Variants in AGMO observed in about 807,000 individuals in gnomAD.
AGMO encodes the protein alkylglycerol monooxygenase.
In AGMO, 75 loss-of-function variants were observed where a neutral mutation model predicts 60.2. The observed-to-expected ratio is 1.25, with a 90% CI of 1.03 to 1.51. AGMO has a LOEUF of 1.51. Ranked by LOEUF, AGMO falls within the 40% of genes most tolerant of loss-of-function variation. AGMO has a pLI of 0.00. For missense variants in AGMO, 763 were observed against 525.5 expected, an observed-to-expected ratio of 1.45 and a Z score of -4.42; for synonymous variants, 261 against 177.1, an observed-to-expected ratio of 1.47 and a Z score of -3.76.
intron 3 of AGMO, among the ~76,000 whole-genome samples, chr7:15,463,042 C>T (rs181712109): frequency 4.4e-4 from 67 of 152,146 alleles, no homozygotes; most frequent in African/African-American, 1.6e-3. Context: ...ATAAGATTAT[C>T]GAGAGTGGAT....
At chr7:15,159,490 T>A in the AGMO span, among the ~76,000 whole-genome samples, 2 of 152,160 alleles carry the variant, frequency 1.3e-5, no homozygotes, top group Non-Finnish European at 2.9e-5. Flanking sequence ...GGTTACTACT[T>A]TCTCCCTAGG....
chr7:15,334,283 A>C (rs1450010032), intron 12 of AGMO, among the ~76,000 whole-genome samples: 1 of 147,226 alleles, frequency 6.8e-6, no homozygotes, highest in Non-Finnish European at 1.5e-5. Context: ...TAAAATTATC[A>C]AAAAAGTGTT....
intron 12 of AGMO, among the ~76,000 whole-genome samples, chr7:15,338,388 A>C (rs913653493): frequency 2.6e-5 from 4 of 152,166 alleles, no homozygotes; most frequent in Non-Finnish European, 5.9e-5. Context: ...ATTGCATTCT[A>C]ATCAGTCAAA....
At chr7:15,125,699 G>T in the AGMO span, among the ~76,000 whole-genome samples, 10 of 152,024 alleles carry the variant, frequency 6.6e-5, no homozygotes, top group African/African-American at 2.4e-4. Context: ...GGTCCTTAAA[G>T]AATCAAGAAA....
At chr7:15,513,942 C>T (rs1783743932) in intron 3 of AGMO, among the ~76,000 whole-genome samples, 1 of 152,140 alleles carries the variant, frequency 6.6e-6, no homozygotes, top group African/African-American at 2.4e-5. Flanking sequence ...CTATGACCCC[C>T]AAACACTAAA....
intron 12 of AGMO, among the ~76,000 whole-genome samples, chr7:15,353,526 C>G (rs1180562816): frequency 6.6e-6 from 1 of 151,870 alleles, no homozygotes; most frequent in Non-Finnish European, 1.5e-5. Context: ...AAAAGCAAGA[C>G]TAAATGAAAC....
intron 10 of AGMO, among the ~76,000 whole-genome samples, chr7:15,376,489 A>T (rs4532496): frequency 0.098 from 14,985 of 152,154 alleles, 1,037 homozygotes; most frequent in South Asian, 0.16. Context: ...CAGGGGAATT[A>T]AAAACCATAA....
intron 3 of AGMO, among the ~76,000 whole-genome samples, chr7:15,530,753 GATATTCTATATATACATTTCTATAT>G (rs1784291517): frequency 1.5e-5 from 2 of 130,604 alleles, no homozygotes; most frequent in South Asian, 2.4e-4. Flanking sequence ...TTTCTATATA[GATATTCTATATATACATTTCTATAT>G]ATATTCTATA....
At chr7:15,186,987 G>C in the AGMO span, among the ~76,000 whole-genome samples, 2 of 152,200 alleles carry the variant, frequency 1.3e-5, no homozygotes, top group East Asian at 3.9e-4. Context: ...TGCTGAAATA[G>C]AGAAGAAATT....
chr7:15,259,098 T>C (rs1363421673), intron 12 of AGMO, among the ~76,000 whole-genome samples: 1 of 151,810 alleles, frequency 6.6e-6, no homozygotes, highest in Non-Finnish European at 1.5e-5. Context: ...AGAAAGTCGA[T>C]TACAAAGCTA....
chr7:15,132,463 G>A, the AGMO span, among the ~76,000 whole-genome samples: 11 of 152,020 alleles, frequency 7.2e-5, no homozygotes, highest in African/African-American at 2.7e-4. Flanking sequence ...TCTCTGAGGG[G>A]ATGACACTAA....
intron 3 of AGMO, among the ~76,000 whole-genome samples, chr7:15,473,688 C>A (rs1431163217): frequency 1.3e-5 from 2 of 152,008 alleles, no homozygotes; most frequent in African/African-American, 4.8e-5. Context: ...TCCTATTCAA[C>A]TTAATATTGG....
At chr7:15,314,763 C>T (rs1312053448) in intron 12 of AGMO, among the ~76,000 whole-genome samples, 1 of 151,966 alleles carries the variant, frequency 6.6e-6, no homozygotes, top group Non-Finnish European at 1.5e-5. Flanking sequence ...TAGAATTAAG[C>T]TTATGAATCT....
intron 12 of AGMO, among the ~76,000 whole-genome samples, chr7:15,311,672 A>C (rs1418132720): frequency 1.3e-5 from 2 of 152,154 alleles, no homozygotes; most frequent in Non-Finnish European, 1.5e-5. Context: ...CCGCTATATA[A>C]ATTTTTAAAA....
chr7:15,336,280 T>G (rs1000168798), intron 12 of AGMO, among the ~76,000 whole-genome samples: 4 of 150,676 alleles, frequency 2.7e-5, no homozygotes, highest in African/African-American at 9.7e-5. Context: ...CAAATGTATG[T>G]CCACCCAGTT....
At chr7:15,407,856 C>A (rs1784747436) in intron 5 of AGMO, among the ~76,000 whole-genome samples, 1 of 151,738 alleles carries the variant, frequency 6.6e-6, no homozygotes, top group Admixed American at 6.6e-5. Context: ...AAGAATTAAA[C>A]TTCACTATTA....
intron 8 of AGMO, among the ~76,000 whole-genome samples, chr7:15,388,837 G>A (rs1274676429): frequency 6.6e-6 from 1 of 152,156 alleles, no homozygotes; most frequent in Admixed American, 6.5e-5. Context: ...TTGCCGGCTT[G>A]ACATTTCTGA....
chr7:15,497,234 G>A (rs1334058419), intron 3 of AGMO, among the ~76,000 whole-genome samples: 1 of 152,042 alleles, frequency 6.6e-6, no homozygotes, highest in Non-Finnish European at 1.5e-5. Context: ...GAAAAGGTGA[G>A]TCAGATAGGT....
At chr7:15,425,574 G>A (rs1407778779) in intron 4 of AGMO, among the ~76,000 whole-genome samples, 3 of 151,832 alleles carry the variant, frequency 2.0e-5, no homozygotes, top group Non-Finnish European at 2.9e-5. Context: ...GAGTAGCTGG[G>A]ACTACAGGCG....
Sources: gnomAD v4.1 joint callset for allele counts (sites outside exome capture counted in the v4.1 genomes callset) on GRCh38, gnomAD v4.1.1 for gene constraint, MANE v1.5 for transcripts, NCBI Gene and HGNC (gene_info 2026-07-23, HGNC 2026-07-21) for gene names.